The following VWC2 variants were observed in gnomAD, a reference collection of about 807,000 sequenced individuals.
VWC2 encodes brorin.
VWC2 carries 14 observed loss-of-function variants against 29.8 expected under a neutral mutation model. The observed-to-expected ratio is 0.47, with a 90% CI of 0.31 to 0.74. The LOEUF (loss-of-function observed/expected upper bound fraction) is 0.74. Ranked by LOEUF, VWC2 falls within the 30% of genes least tolerant of loss-of-function variation. The pLI, the probability that VWC2 is intolerant of heterozygous loss-of-function variation, is 0.05. For synonymous variants in VWC2, 213 were observed against 199.0 expected (o/e 1.07, Z -0.59); for missense variants, 457 against 459.8 (o/e 0.99, Z 0.05).
intron 3 of VWC2, among the ~76,000 whole-genome samples, chr7:49,908,908 T>C (rs1224070768): frequency 1.3e-5 from 2 of 152,204 alleles, no homozygotes; most frequent in African/African-American, 4.8e-5. Context: ...TTTTATATTC[T>C]ACAGTAAAAT....
intron 3 of VWC2, among the ~76,000 whole-genome samples, chr7:49,810,199 G>T (rs1356719539): frequency 6.6e-6 from 1 of 151,528 alleles, no homozygotes; most frequent in African/African-American, 2.4e-5. Context: ...AACTATGGAG[G>T]CTAATAAAGA....
chr7:49,859,634 T>G (rs781211379), intron 3 of VWC2, among the ~76,000 whole-genome samples: 1 of 152,254 alleles, frequency 6.6e-6, no homozygotes, highest in Non-Finnish European at 1.5e-5. Context: ...TATTTGCCTA[T>G]TGCATGCGAA....
chr7:49,891,324 G>A (rs1792119133), intron 3 of VWC2, among the ~76,000 whole-genome samples: 2 of 152,138 alleles, frequency 1.3e-5, no homozygotes, highest in South Asian at 4.1e-4. Context: ...TAATAGCATA[G>A]CTTTAAAGTA....
chr7:49,869,722 G>A (rs1487505868), intron 3 of VWC2, among the ~76,000 whole-genome samples: 1 of 152,114 alleles, frequency 6.6e-6, no homozygotes, highest in Non-Finnish European at 1.5e-5. Context: ...AAGTTGATGT[G>A]ACAAACTTAA....
chr7:49,916,590 C>A lies in VWC2; in HGVS notation c.*4405C>A, dbSNP rs1793738600. 2 of 152,180 alleles carry A rather than the reference C, an allele frequency of 1.3e-5. No individual in the cohort carries two copies. The highest frequency in any genetic ancestry group is 2.9e-5 in the Non-Finnish European group (2 of 68,030). The allele number at this position is 152,180 out of a possible 1,614,324, so 9.4% of individuals were successfully genotyped here. ...TTATGCCTGCTTCTTCTATTATTTA[C>A]AAATCCCTTTAGTTTGGGCTGTGAA... is the stretch of plus-strand genomic sequence containing the variant. On this transcript the variant is annotated 3_prime_UTR_variant, in exon 4 of 4. Coordinates refer to ENST00000340652, the MANE Select transcript of VWC2 (RefSeq NM_198570.5).
chr7:49,848,391 G>A (rs1365911798), intron 3 of VWC2, among the ~76,000 whole-genome samples: 1 of 152,232 alleles, frequency 6.6e-6, no homozygotes, highest in Non-Finnish European at 1.5e-5. Context: ...ACGCCCTGCA[G>A]TGTGTGAGAG....
rs1336927497 is a variant in VWC2 at position 49,776,026 on chromosome 7, G to A, written c.591G>A (p.Pro197=). 2 of 1,545,950 alleles carry A rather than the reference G, an allele frequency of 1.3e-6. No homozygotes were observed. The highest frequency in any genetic ancestry group is 1.7e-6 in the Non-Finnish European group (2 of 1,150,910). Residue 197 remains proline (P), a synonymous_variant, in exon 2 of 4, where the codon CCG becomes CCA. Coordinates refer to ENST00000340652, the MANE Select transcript of VWC2 (RefSeq NM_198570.5). ...AGCCCGAGTGCCCGAGGCTGCACCC[G>A]CGCTGCATCCACGTCGACACGAGCC... ...CAQPECPRLH[P]RCIHVDTSQC...
rs183969291 is a variant in VWC2 at position 49,803,164 on chromosome 7, T to G, written c.826+324T>G. Among the ~76,000 whole-genome samples the G allele has an allele frequency of 2.0e-5, 3 of 152,344 alleles. No individual in the cohort carries two copies. The East Asian group carries it at 5.8e-4, about 29-fold the overall frequency. ...CTGTTTCTATCTTTCCAAGACACAT[T>G]AAACACACTGGTTGGGCTCATTTAC... On this transcript the variant is annotated intron_variant, in intron 3 of 3. Coordinates refer to ENST00000340652, the MANE Select transcript of VWC2 (RefSeq NM_198570.5).
intron 3 of VWC2, among the ~76,000 whole-genome samples, chr7:49,806,022 C>T (rs1223020765): frequency 6.6e-6 from 1 of 152,184 alleles, no homozygotes; most frequent in Non-Finnish European, 1.5e-5. Context: ...ACTTTGTTGA[C>T]TTGTGCAGAT....
chr7:49,909,500 G>A (rs1793289681), intron 3 of VWC2, among the ~76,000 whole-genome samples: 1 of 152,162 alleles, frequency 6.6e-6, no homozygotes, highest in Admixed American at 6.5e-5. Flanking sequence ...TGTGGGGTGT[G>A]GTGGAGTGCA....
At chr7:49,807,106 T>A (rs1279452896) in intron 3 of VWC2, among the ~76,000 whole-genome samples, 2 of 152,262 alleles carry the variant, frequency 1.3e-5, no homozygotes, top group East Asian at 3.9e-4. Context: ...AAAGTCTCCA[T>A]ACTTAAAAAA....
At chr7:49,837,936 A>G (rs142923484) in intron 3 of VWC2, among the ~76,000 whole-genome samples, 209 of 152,362 alleles carry the variant, frequency 1.4e-3, no homozygotes, top group African/African-American at 4.9e-3. Flanking sequence ...TACAGAAAAT[A>G]CAAACATAAA....
At chr7:49,879,588 C>T (rs1490360758) in intron 3 of VWC2, among the ~76,000 whole-genome samples, 1 of 152,154 alleles carries the variant, frequency 6.6e-6, no homozygotes, top group Non-Finnish European at 1.5e-5. Flanking sequence ...CGCAGCACTT[C>T]TGGGTCCTGA....
chr7:49,884,295 C>T (rs2128728153), intron 3 of VWC2, among the ~76,000 whole-genome samples: 1 of 152,316 alleles, frequency 6.6e-6, no homozygotes, highest in South Asian at 2.1e-4. Context: ...CCCCCTAGGT[C>T]CTCCTGGCCA....
intron 3 of VWC2, among the ~76,000 whole-genome samples, chr7:49,906,759 A>G (rs755394454): frequency 2.6e-5 from 4 of 152,164 alleles, no homozygotes; most frequent in African/African-American, 4.8e-5. Flanking sequence ...CTTCACCCCA[A>G]CTTTCTTATG....
chr7:49,911,223 C>A (rs1025166348), intron 3 of VWC2, among the ~76,000 whole-genome samples: 1 of 152,070 alleles, frequency 6.6e-6, no homozygotes, highest in African/African-American at 2.4e-5. Flanking sequence ...GTGGCTTACA[C>A]CTGTAATCCC....
At chr7:49,907,857 G>A (rs2128940) in intron 3 of VWC2, among the ~76,000 whole-genome samples, 4,374 of 152,194 alleles carry the variant, frequency 0.029, 236 homozygotes, top group African/African-American at 0.1. Context: ...TTAAGATAAG[G>A]GGTTGTGGAG....
At chr7:49,852,448 T>G (rs692270) in intron 3 of VWC2, among the ~76,000 whole-genome samples, 1 of 152,190 alleles carries the variant, frequency 6.6e-6, no homozygotes, top group Non-Finnish European at 1.5e-5. Flanking sequence ...GAAATCTGAT[T>G]TGTGCATGGC....
chr7:49,802,114 CA>C (rs145177128), intron 2 of VWC2, among the ~76,000 whole-genome samples: 15,569 of 152,060 alleles, frequency 0.1, 1,017 homozygotes, highest in East Asian at 0.17. Flanking sequence ...AACATTTCTT[CA>C]AAAAAAAGTT....
Sources: gnomAD v4.1 joint callset for allele counts (sites outside exome capture counted in the v4.1 genomes callset) on GRCh38, gnomAD v4.1.1 for gene constraint, MANE v1.5 for transcripts, NCBI Gene and HGNC (gene_info 2026-07-23, HGNC 2026-07-21) for gene names.